GADL1: variants seen among roughly 807,000 people sequenced by gnomAD.
GADL1 encodes the protein GAD like acidic amino acid decarboxylase 1.
GADL1 carries 71 observed loss-of-function variants against 69.5 expected under a neutral mutation model. That is an observed-to-expected ratio of 1.02 (90% CI 0.84 to 1.25). GADL1 has a LOEUF of 1.25. Ranked by LOEUF, GADL1 falls within the 50% of genes most tolerant of loss-of-function variation. The pLI, the probability that GADL1 is intolerant of heterozygous loss-of-function variation, is 0.00. For missense variants in GADL1, 737 were observed against 631.8 expected (o/e 1.17, Z -1.79); for synonymous variants, 254 against 214.4 (o/e 1.18, Z -1.62).
At chr3:30,880,302 G>A (rs1698626466) in intron 1 of GADL1, among the ~76,000 whole-genome samples, 1 of 151,878 alleles carries the variant, frequency 6.6e-6, no homozygotes, top group Non-Finnish European at 1.5e-5. Context: ...GTTATATGCT[G>A]ATATGGTTTG....
intron 14 of GADL1, among the ~76,000 whole-genome samples, chr3:30,754,884 G>A (rs1402555640): frequency 2.0e-5 from 3 of 148,278 alleles, no homozygotes; most frequent in South Asian, 2.1e-4. Flanking sequence ...AGTCTCATGT[G>A]CTTGGGTAGG....
intron 11 of GADL1, among the ~76,000 whole-genome samples, chr3:30,814,609 A>C (rs1575217643): frequency 6.6e-6 from 1 of 152,162 alleles, no homozygotes; most frequent in Admixed American, 6.6e-5. Context: ...AAGGGCCATA[A>C]TTTTTAGACC....
chr3:30,779,456 G>A (rs55878311), intron 13 of GADL1, among the ~76,000 whole-genome samples: 21,994 of 152,150 alleles, frequency 0.14, 4,179 homozygotes, highest in African/African-American at 0.43. Flanking sequence ...ATAAAAAGTA[G>A]TTTAAAATGA....
At chr3:30,743,945 C>G (rs574302665) in intron 14 of GADL1, among the ~76,000 whole-genome samples, 12 of 152,262 alleles carry the variant, frequency 7.9e-5, no homozygotes, top group Admixed American at 1.3e-4. Flanking sequence ...AGGGGCTCCT[C>G]CATCAGTCTG....
In GADL1 at chr3:30,726,698, T is replaced by G. The variant is rs1312215019; in HGVS notation, c.*1544A>C. 3.9e-5 allele frequency: 6 copies of G among 152,154 alleles called. No individual in the cohort carries two copies. The East Asian group carries it at 7.7e-4, about 20-fold the overall frequency. The allele number at this position is 152,154 out of a possible 1,614,324, so 9.4% of individuals were successfully genotyped here. A position where few individuals can be genotyped will look rare whatever the true frequency, so the allele number is the denominator to read the frequency against. ...TTATTGAATGTGCTAAGTCTAATGC[T>G]TTAACACTCTTCAATCATTCACCTT... On this transcript the variant is annotated 3_prime_UTR_variant, in exon 15 of 15. Coordinates refer to ENST00000282538, the MANE Select transcript of GADL1 (RefSeq NM_207359.3).
At chr3:30,784,452 GTTGTTTAATT>G (rs1173680876) in intron 13 of GADL1, among the ~76,000 whole-genome samples, 1 of 92,434 alleles carries the variant, frequency 1.1e-5, no homozygotes, top group Non-Finnish European at 3.0e-5. Flanking sequence ...CTACCAGAAA[GTTGTTTAATT>G]TTTAATCATT....
At chr3:30,849,198 C>T (rs910978068) in intron 6 of GADL1, among the ~76,000 whole-genome samples, 2 of 152,132 alleles carry the variant, frequency 1.3e-5, no homozygotes, top group African/African-American at 4.8e-5. Context: ...GATGGGCCAT[C>T]AGCCAGCCAA....
At position 30,726,226 on chromosome 3, in the gene GADL1, C is replaced by T. The variant is rs944393322; in HGVS notation, c.*2016G>A. On this transcript the variant is annotated 3_prime_UTR_variant, in exon 15 of 15. Coordinates refer to ENST00000282538, the MANE Select transcript of GADL1 (RefSeq NM_207359.3). Reference sequence around the variant, plus strand: ...CTATAACTGCTTTTTCCATTTTATTCAAGGTGTTAACTAAAATACAGAGAG... The same window carrying T: ...CTATAACTGCTTTTTCCATTTTATTTAAGGTGTTAACTAAAATACAGAGAG... The T allele has an allele frequency of 6.6e-6, 1 of 152,056 alleles. No individual in the cohort carries two copies. Among genetic ancestry groups the T allele is most frequent in the Non-Finnish European group, 1.5e-5 (1 of 68,004 alleles). The allele number at this position is 152,056 out of a possible 1,614,324, so 9.4% of individuals were successfully genotyped here.
At chr3:30,851,658 GGA>G (rs56785251) in intron 4 of GADL1, among the ~76,000 whole-genome samples, 36,480 of 151,912 alleles carry the variant, frequency 0.24, 5,781 homozygotes, top group African/African-American at 0.46. Flanking sequence ...GATAACTGCT[GGA>G]GATGTAAAGG....
At chr3:30,767,469 G>A (rs867941158) in intron 14 of GADL1, among the ~76,000 whole-genome samples, 1 of 152,080 alleles carries the variant, frequency 6.6e-6, no homozygotes. Context: ...TTTTAAAATT[G>A]TAACATAAGA....
intron 9 of GADL1, among the ~76,000 whole-genome samples, chr3:30,838,644 G>A (rs985494492): frequency 3.9e-5 from 6 of 152,068 alleles, no homozygotes; most frequent in African/African-American, 1.2e-4. Flanking sequence ...GGCTAAGATC[G>A]CAATGAAGAA....
At chr3:30,881,782 T>C (rs146758646) in intron 1 of GADL1, among the ~76,000 whole-genome samples, 141 of 152,122 alleles carry the variant, frequency 9.3e-4, no homozygotes, top group African/African-American at 3.2e-3. Flanking sequence ...ATTTAATTGC[T>C]ATTATAGCAG....
At chr3:30,779,498 A>C (rs1696611918) in intron 13 of GADL1, among the ~76,000 whole-genome samples, 1 of 152,238 alleles carries the variant, frequency 6.6e-6, no homozygotes, top group Non-Finnish European at 1.5e-5. Flanking sequence ...TTTCACAAAC[A>C]TCTATTGAGA....
intron 14 of GADL1, among the ~76,000 whole-genome samples, chr3:30,741,246 A>G (rs1343295174): frequency 1.4e-5 from 2 of 144,110 alleles, no homozygotes; most frequent in African/African-American, 5.2e-5. Flanking sequence ...GTTATACTTA[A>G]GCTCTCTCTG....
chr3:30,726,344 T>C lies in GADL1; in HGVS notation c.*1898A>G, dbSNP rs1267267879. 2.0e-5 allele frequency: 3 copies of C among 152,172 alleles called. No homozygotes were observed. The highest frequency in any genetic ancestry group is 4.4e-5 in the Non-Finnish European group (3 of 68,026). 9.4% of individuals were successfully genotyped at this position (152,172 alleles called of 1,614,324 possible). A position where few individuals can be genotyped will look rare whatever the true frequency, so the allele number is the denominator to read the frequency against. On this transcript the variant is annotated 3_prime_UTR_variant, in exon 15 of 15. Transcript: ENST00000282538. ...TTGGTACAATCCAGTAAAGAGGAGA[T>C]GACAGGAAAAGAAAAGTCAACAACA... is the stretch of plus-strand genomic sequence containing the variant.
chr3:30,833,913 G>C lies in GADL1; in HGVS notation c.990C>G (p.Asn330Lys). ...TCCCAGCCATCAGCATCTTGTGTGG[G>C]TTCCAGGCCACAGAGTCAGCCCTAT... ...GIHRADSVAW[N>K]PHKMLMAGIQ... Residue 330 changes from asparagine to lysine, a missense_variant, in exon 11 of 15, where the codon AAC (asparagine) becomes AAG (lysine). Transcript: ENST00000282538. The C allele has an allele frequency of 6.2e-7, 1 of 1,612,396 alleles. No homozygotes were observed. Among genetic ancestry groups the C allele is most frequent in the Non-Finnish European group, 8.5e-7 (1 of 1,178,852 alleles).
intron 1 of GADL1, among the ~76,000 whole-genome samples, chr3:30,862,915 G>C (rs924576494): frequency 1.3e-5 from 2 of 151,702 alleles, no homozygotes; most frequent in Non-Finnish European, 2.9e-5. Context: ...TTAGCATCAG[G>C]GAGTGTGGAG....
intron 13 of GADL1, among the ~76,000 whole-genome samples, chr3:30,782,407 C>T (rs1418609416): frequency 3.3e-5 from 5 of 151,724 alleles, no homozygotes; most frequent in Admixed American, 2.0e-4. Flanking sequence ...ATATACTTAG[C>T]GGGGAAGAAA....
Position 30,769,536 on chromosome 3 carries a change from A to G in GADL1, c.1392+8643T>C, listed in dbSNP as rs1353341020. On this transcript the variant is annotated intron_variant, in intron 14 of 14. Transcript: ENST00000282538. ...CTGTGCCTGCCTCTTTGTCTCCTCTATGGTCTAATCATGGGCCAGCTTAGG... is the reference window on the plus strand; with the variant it reads ...CTGTGCCTGCCTCTTTGTCTCCTCTGTGGTCTAATCATGGGCCAGCTTAGG... Among the ~76,000 whole-genome samples the G allele has an allele frequency of 3.7e-5, 5 of 134,714 alleles. No homozygotes were observed. The East Asian group carries it at 8.8e-4, about 24-fold the overall frequency. 88.4% of individuals were successfully genotyped at this position (134,714 alleles called of 152,430 possible). A position where few individuals can be genotyped will look rare whatever the true frequency, so the allele number is the denominator to read the frequency against.
Sources: allele counts gnomAD v4.1 joint callset (sites outside exome capture counted in the v4.1 genomes callset), GRCh38; gene constraint gnomAD v4.1.1; transcripts MANE v1.5; gene names NCBI Gene and HGNC (gene_info 2026-07-23, HGNC 2026-07-21).